Variants in FIRRM observed in about 807,000 individuals in gnomAD.
FIRRM encodes the protein FIGNL1-interacting regulator of recombination and mitosis.
chr1:169,803,403 T>C, the FIRRM span: 1 of 1,198,144 alleles, frequency 8.3e-7, no homozygotes, highest in East Asian at 2.5e-5. Flanking sequence ...TACATTTTAG[T>C]CTATATTATT....
At chr1:169,808,142 G>A in the FIRRM span, among the ~76,000 whole-genome samples, 3 of 151,926 alleles carry the variant, frequency 2.0e-5, 1 homozygote, top group Admixed American at 2.0e-4. Flanking sequence ...ATTGCCTCTG[G>A]GGTCTGCCTG....
chr1:169,804,710 G>A, the FIRRM span, among the ~76,000 whole-genome samples: 2 of 152,092 alleles, frequency 1.3e-5, no homozygotes, highest in African/African-American at 2.4e-5. Context: ...TTGAGACAGA[G>A]TCTCACTGTG....
the FIRRM span, chr1:169,795,609 A>G: frequency 1.0e-6 from 1 of 1,002,780 alleles, no homozygotes; most frequent in African/African-American, 1.7e-5. Flanking sequence ...TAATAGTTTG[A>G]GGTAAAGCGA....
At chr1:169,851,695 A>G in the FIRRM span, 450 of 1,140,974 alleles carry the variant, frequency 3.9e-4, 2 homozygotes, top group African/African-American at 6.0e-3. Flanking sequence ...AGATCAGTCC[A>G]TGTGACTTCC....
the FIRRM span, among the ~76,000 whole-genome samples, chr1:169,824,495 C>T: frequency 1.3e-5 from 2 of 150,442 alleles, no homozygotes; most frequent in African/African-American, 4.8e-5. Flanking sequence ...CGTTTCTCTG[C>T]CTTTCTTTAC....
the FIRRM span, among the ~76,000 whole-genome samples, chr1:169,838,188 C>T: frequency 6.6e-6 from 1 of 152,164 alleles, no homozygotes; most frequent in Non-Finnish European, 1.5e-5. Flanking sequence ...ATCTACCCTC[C>T]TTGGCCTCCC....
the FIRRM span, among the ~76,000 whole-genome samples, chr1:169,784,701 G>T: frequency 1.3e-5 from 2 of 152,174 alleles, no homozygotes; most frequent in East Asian, 3.8e-4. Context: ...CAAAGGAAAT[G>T]CACAAGTCAC....
chr1:169,845,373 T>C, the FIRRM span, among the ~76,000 whole-genome samples: 1 of 152,190 alleles, frequency 6.6e-6, no homozygotes, highest in Non-Finnish European at 1.5e-5. Flanking sequence ...AGGATGGTGG[T>C]TGCTGAAGGT....
At chr1:169,805,096 T>A in the FIRRM span, among the ~76,000 whole-genome samples, 1 of 152,276 alleles carries the variant, frequency 6.6e-6, no homozygotes, top group Admixed American at 6.5e-5. Flanking sequence ...AAAGTTTGCA[T>A]TCAAAACTTT....
the FIRRM span, chr1:169,853,718 A>AGTT: frequency 6.2e-7 from 1 of 1,613,710 alleles, no homozygotes; most frequent in South Asian, 1.1e-5. Context: ...TATTGTCACC[A>AGTT]GTTATTATCT....
the FIRRM span, among the ~76,000 whole-genome samples, chr1:169,810,131 A>C: frequency 6.6e-6 from 1 of 152,108 alleles, no homozygotes; most frequent in East Asian, 1.9e-4. Context: ...TATGTCATTC[A>C]TGAGGGCAGA....
the FIRRM span, chr1:169,852,298 T>C: frequency 3.2e-6 from 1 of 308,234 alleles, no homozygotes; most frequent in Non-Finnish European, 6.1e-6. Flanking sequence ...AGTCTCCTAA[T>C]AATTTTTGGC....
At chr1:169,851,866 A>G in the FIRRM span, 1 of 1,614,106 alleles carries the variant, frequency 6.2e-7, no homozygotes, top group African/African-American at 1.3e-5. Flanking sequence ...CGTGTGAAAC[A>G]GGAAAAAGGT....
At chr1:169,813,641 G>C in the FIRRM span, among the ~76,000 whole-genome samples, 3 of 152,190 alleles carry the variant, frequency 2.0e-5, no homozygotes, top group Admixed American at 6.5e-5. Flanking sequence ...GCACTTTGGA[G>C]CATTCATGCA....
At chr1:169,836,743 A>G in the FIRRM span, among the ~76,000 whole-genome samples, 5 of 152,228 alleles carry the variant, frequency 3.3e-5, no homozygotes, top group Non-Finnish European at 7.3e-5. Flanking sequence ...AAACCAATGC[A>G]GCATCAATAA....
chr1:169,851,563 GCT>G, the FIRRM span: 1 of 477,342 alleles, frequency 2.1e-6, no homozygotes, highest in African/African-American at 2.0e-5. Context: ...CAGTTTCTTA[GCT>G]TATACAGTAA....
At chr1:169,824,248 C>T in the FIRRM span, among the ~76,000 whole-genome samples, 1 of 152,196 alleles carries the variant, frequency 6.6e-6, no homozygotes, top group East Asian at 1.9e-4. Flanking sequence ...TTCATTCCCT[C>T]ACTCCCATGA....
At chr1:169,837,083 A>G in the FIRRM span, 1 of 1,591,848 alleles carries the variant, frequency 6.3e-7, no homozygotes, top group Non-Finnish European at 8.5e-7. Context: ...GCTGAGCAGG[A>G]GTCGTACTTT....
chr1:169,798,989 A>G, the FIRRM span: 2 of 957,136 alleles, frequency 2.1e-6, no homozygotes, highest in Middle Eastern at 2.2e-4. Context: ...TGTATGATGT[A>G]CTTTGATGTT....
Sources: allele counts gnomAD v4.1 joint callset (sites outside exome capture counted in the v4.1 genomes callset), GRCh38; gene constraint gnomAD v4.1.1; transcripts MANE v1.5; gene names NCBI Gene and HGNC (gene_info 2026-07-23, HGNC 2026-07-21).